Variants in ASPG observed in about 807,000 individuals in gnomAD.
ASPG encodes the protein asparaginase.
In ASPG, 53 loss-of-function variants were observed where a neutral mutation model predicts 63.2. The ratio of observed to expected loss-of-function variants is 0.84; its 90% CI spans 0.67 to 1.05. The LOEUF (loss-of-function observed/expected upper bound fraction) is 1.05, where lower values mean the gene tolerates loss of function less well. ASPG is among the 50% of genes least tolerant of loss of function. ASPG has a pLI of 0.00. For synonymous variants in ASPG, 370 were observed against 355.0 expected (o/e 1.04, Z -0.48); for missense variants, 741 against 794.4 (o/e 0.93, Z 0.81).
rs571403885 is a variant in ASPG at position 104,114,049 on chromosome 14, C to G, written c.*1505C>G. The stretch of plus-strand genomic sequence containing the variant: ...AGCCCACCTGGTCTCCCCGGTTGCT[C>G]CTGCACACGGCAGTGCCCACCTGCT... On this transcript the variant is annotated 3_prime_UTR_variant, in exon 16 of 16. Transcript: ENST00000551177. The G allele has an allele frequency of 6.6e-6, 1 of 152,370 alleles. No homozygotes were observed. The highest frequency in any genetic ancestry group is 2.1e-4 in the South Asian group (1 of 4,836). 9.4% of individuals were successfully genotyped at this position (152,370 alleles called of 1,614,324 possible). A position where few individuals can be genotyped will look rare whatever the true frequency, so the allele number is the denominator to read the frequency against.
Position 104,110,579 on chromosome 14 carries a change from T to G in ASPG, c.1521-923T>G, listed in dbSNP as rs1463015174. ...GCCTTCCTAGGGGCCGGTGTGTGTG[T>G]GGGGCTTGGCCTCTTGGAGCAGGTC... On this transcript the variant is annotated intron_variant, in intron 13 of 15. Transcript: ENST00000551177. This position sits in a 1 kb window ranked among gnomAD's most constrained non-coding sequence, Gnocchi z 4.7. The G allele has an allele frequency of 5.9e-5, 58 of 985,104 alleles. No individual in the cohort carries two copies. Among genetic ancestry groups the G allele is most frequent in the Non-Finnish European group, 6.9e-5 (57 of 829,840 alleles). 61.0% of individuals were successfully genotyped at this position (985,104 alleles called of 1,614,324 possible). A position where few individuals can be genotyped will look rare whatever the true frequency, so the allele number is the denominator to read the frequency against.
At position 104,104,947 on chromosome 14, in the gene ASPG, C is replaced by G. The variant is rs1411478560; in HGVS notation, c.1050+212C>G. 6.8e-6 allele frequency: 4 copies of G among 587,134 alleles called. No homozygotes were observed. In the East Asian group the frequency reaches 1.2e-4, roughly 17 times the overall value. The allele number at this position is 587,134 out of a possible 1,614,324, so 36.4% of individuals were successfully genotyped here. On this transcript the variant is annotated intron_variant, in intron 9 of 15. Coordinates refer to ENST00000551177, the MANE Select transcript of ASPG (RefSeq NM_001080464.3). ...GCCCTCACTGGACTCCCAGCCCAGG[C>G]TCCGCCTGTCCTTGTGCCTTCTCAG...
chr14:104,087,836 C>G (rs368328783), intron 1 of ASPG, among the ~76,000 whole-genome samples: 9 of 152,222 alleles, frequency 5.9e-5, no homozygotes, highest in Non-Finnish European at 8.8e-5. Flanking sequence ...CACTCACACG[C>G]GTGCACCGCA....
intron 14 of ASPG, 71 bp from the exon 15 acceptor site, chr14:104,111,849 G>A: frequency 6.9e-7 from 1 of 1,454,964 alleles, no homozygotes; most frequent in Non-Finnish European, 9.4e-7. Context: ...GGCATCCTGG[G>A]GATGGGGATC....
At chr14:104,100,054 C>T (rs1171174127) in intron 6 of ASPG, among the ~76,000 whole-genome samples, 1 of 152,100 alleles carries the variant, frequency 6.6e-6, no homozygotes, top group Non-Finnish European at 1.5e-5. Context: ...TGGGGAGGCC[C>T]TTCCTAGGGA....
chr14:104,086,132 A>G lies in ASPG; in HGVS notation c.82+280A>G, dbSNP rs143292215. Among the ~76,000 whole-genome samples, 1,310 of 152,220 alleles carry G rather than the reference A, an allele frequency of 8.6e-3. 41 individuals are homozygous for G. Among genetic ancestry groups the G allele is most frequent in the East Asian group, 0.024 (126 of 5,152 alleles). Reference sequence around the variant, plus strand: ...CCCCTGTGCTGCCGCTGCGCCCCTGAGGGCCAGCGTCCTGAAGTCCTGGAA... The same window carrying G: ...CCCCTGTGCTGCCGCTGCGCCCCTGGGGGCCAGCGTCCTGAAGTCCTGGAA... On this transcript the variant is annotated intron_variant, in intron 1 of 15. Coordinates refer to ENST00000551177, the MANE Select transcript of ASPG (RefSeq NM_001080464.3).
chr14:104,093,465 C>T (rs779862671), intron 2 of ASPG, 26 bp from the exon 3 acceptor site: 48 of 1,575,064 alleles, frequency 3.0e-5, no homozygotes, highest in Admixed American at 6.7e-5. Flanking sequence ...CCTGCTGTTC[C>T]GCCTCCTGCT....
At position 104,109,057 on chromosome 14, in the gene ASPG, GC is replaced by G; in HGVS notation, c.1434-170del. 1 of 985,412 alleles carries G rather than the reference GC, an allele frequency of 1.0e-6. No homozygotes were observed. The highest frequency in any genetic ancestry group is 1.2e-6 in the Non-Finnish European group (1 of 829,924). The allele number at this position is 985,412 out of a possible 1,614,324, so 61.0% of individuals were successfully genotyped here. A position where few individuals can be genotyped will look rare whatever the true frequency, so the allele number is the denominator to read the frequency against. On this transcript the variant is annotated intron_variant, in intron 12 of 15. Coordinates refer to ENST00000551177, the MANE Select transcript of ASPG (RefSeq NM_001080464.3). The surrounding 1 kb of genome is among the most constrained non-coding windows in gnomAD (Gnocchi z 4.8). ...GGGATCCCGGGATGATGTCACATGG[GC>G]CTAGGCAGAGGATGGGGGGATGGGC...
chr14:104,107,717 T>A (rs993909174), intron 12 of ASPG, among the ~76,000 whole-genome samples: 15 of 152,178 alleles, frequency 9.9e-5, no homozygotes, highest in Non-Finnish European at 1.9e-4. Flanking sequence ...GCCCAGCCTG[T>A]GCGTGTGGGG....
chr14:104,110,475 C>T lies in ASPG; in HGVS notation c.1521-1027C>T. ...AGTCAGGTCCTGTGGGAGCTGGGAC[C>T]AGAACCCTGGTCCAGGACTCTGCTT... On this transcript the variant is annotated intron_variant, in intron 13 of 15. Transcript: ENST00000551177. The surrounding 1 kb of genome is among the most constrained non-coding windows in gnomAD (Gnocchi z 4.7). 1.0e-6 allele frequency: 1 copy of T among 985,286 alleles called. No individual in the cohort carries two copies. The allele number at this position is 985,286 out of a possible 1,614,324, so 61.0% of individuals were successfully genotyped here.
chr14:104,092,554 G>A, intron 1 of ASPG, 79 bp from the exon 2 acceptor site: 8 of 1,214,096 alleles, frequency 6.6e-6, no homozygotes, highest in Non-Finnish European at 8.2e-6. Flanking sequence ...ACCAGCTCTG[G>A]TCCTGCCCCT....
intron 1 of ASPG, among the ~76,000 whole-genome samples, chr14:104,089,533 A>T (rs964221747): frequency 6.6e-6 from 1 of 151,998 alleles, no homozygotes; most frequent in African/African-American, 2.4e-5. Context: ...AAACAAAAAA[A>T]ACTGATGCCA....
chr14:104,112,311 G>A (rs769841454), intron 15 of ASPG, among the ~76,000 whole-genome samples: 2 of 151,944 alleles, frequency 1.3e-5, no homozygotes, highest in Non-Finnish European at 2.9e-5. Context: ...GCCCCACCGG[G>A]ACCCCCTAGG....
At chr14:104,112,359 C>T in intron 15 of ASPG, 165 bp from the exon 16 acceptor site, 1 of 660,098 alleles carries the variant, frequency 1.5e-6, no homozygotes, top group African/African-American at 1.8e-5. Flanking sequence ...CAGTTCCCAG[C>T]TGACACCCCC....
intron 1 of ASPG, among the ~76,000 whole-genome samples, chr14:104,088,788 A>C (rs189785809): frequency 6.6e-6 from 1 of 152,130 alleles, no homozygotes; most frequent in Non-Finnish European, 1.5e-5. Context: ...AGTGGGGCCC[A>C]TTGTCTTAGA....
At chr14:104,097,719 C>T in intron 5 of ASPG, 82 bp downstream of exon 5, 2 of 1,331,452 alleles carry the variant, frequency 1.5e-6, no homozygotes, top group South Asian at 1.3e-5. Context: ...AAAGTCCCCC[C>T]AGCCCCTCCC....
chr14:104,104,220 C>A, intron 7 of ASPG, 84 bp from the exon 8 acceptor site: 2 of 1,449,020 alleles, frequency 1.4e-6, no homozygotes, highest in Non-Finnish European at 1.9e-6. Context: ...TGGGGTCCCT[C>A]TCCTTGGGAG....
At position 104,087,798 on chromosome 14, in the gene ASPG, G is replaced by A. The variant is rs561211776; in HGVS notation, c.82+1946G>A. On this transcript the variant is annotated intron_variant, in intron 1 of 15. Coordinates refer to ENST00000551177, the MANE Select transcript of ASPG (RefSeq NM_001080464.3). ...CACACACCCGTCTCGCTTGGCCCCC[G>A]CGTGCTCGCCGCAGCAGCCTGTGGG... 2.0e-3 allele frequency among the ~76,000 whole-genome samples: 312 copies of A among 152,338 alleles called. 2 individuals are homozygous for A. The highest frequency in any genetic ancestry group is 1.5e-3 in the South Asian group (7 of 4,826).
In ASPG at chr14:104,109,151, G is replaced by A. The variant is rs979177097; in HGVS notation, c.1434-78G>A. ...CCCCGTCCCTGTGCACAGGACATGA[G>A]CTCTGCTGGCTCCTGAGTGAGGTGC... On this transcript the variant is annotated intron_variant, in intron 12 of 15. Coordinates refer to ENST00000551177, the MANE Select transcript of ASPG (RefSeq NM_001080464.3). This position sits in a 1 kb window ranked among gnomAD's most constrained non-coding sequence, Gnocchi z 4.8. The A allele has an allele frequency of 2.4e-5, 38 of 1,573,280 alleles. No individual in the cohort carries two copies. The highest frequency in any genetic ancestry group is 2.9e-5 in the Non-Finnish European group (34 of 1,161,336).
Sources: allele counts gnomAD v4.1 joint callset (sites outside exome capture counted in the v4.1 genomes callset), GRCh38; gene constraint gnomAD v4.1.1; non-coding constraint Gnocchi (gnomAD v3.1); transcripts MANE v1.5; gene names NCBI Gene and HGNC (gene_info 2026-07-23, HGNC 2026-07-21).